TENM1: variants seen among roughly 807,000 people sequenced by gnomAD.
TENM1 encodes the protein teneurin-1.
In TENM1, 35 loss-of-function variants were observed where a neutral mutation model predicts 174.8. The ratio of observed to expected loss-of-function variants is 0.20; its 90% CI spans 0.15 to 0.27. The LOEUF is 0.27. Among genes scored for constraint, TENM1 ranks in the 10% least tolerant of loss-of-function variants. The probability of loss-of-function intolerance (pLI) is 1.00; values close to 1 mark genes in which losing one functional copy is unlikely to be tolerated. For synonymous variants in TENM1, 781 were observed against 798.7 expected (o/e 0.98, Z 0.37); for missense variants, 1,633 against 2,130.1 (o/e 0.77, Z 4.59).
intron 24 of TENM1, 31 bp downstream of exon 27, chrX:124,422,241 G>A (rs1308212595): frequency 5.9e-6 from 7 of 1,181,506 alleles, no homozygotes; most frequent in Non-Finnish European, 8.0e-6. Context: ...AACAGAGAGG[G>A]GAAGCTGGTG....
the TENM1 span, among the ~76,000 whole-genome samples, chrX:125,061,918 T>C: frequency 7.0e-4 from 79 of 112,139 alleles, no homozygotes; most frequent in Middle Eastern, 4.6e-3. Flanking sequence ...TCTGAAACTG[T>C]ATCATGATTG....
At chrX:124,889,621 T>C (rs969406403) in intron 3 of TENM1, among the ~76,000 whole-genome samples, 7 of 110,999 alleles carry the variant, frequency 6.3e-5, no homozygotes, top group Non-Finnish European at 1.9e-5. Flanking sequence ...CTTTATTTTT[T>C]TAAATTGTAT....
chrX:124,828,954 A>T (rs900438330), intron 3 of TENM1, among the ~76,000 whole-genome samples: 1 of 112,420 alleles, frequency 8.9e-6, no homozygotes, highest in Non-Finnish European at 1.9e-5. Context: ...TGAATTAATA[A>T]CAAGTGGTAG....
At chrX:125,000,315 G>C in the TENM1 span, among the ~76,000 whole-genome samples, 46,543 of 110,211 alleles carry the variant, frequency 0.42, 8,324 homozygotes, top group African/African-American at 0.7. Flanking sequence ...ACTATCTGAC[G>C]TAGAGCAAGT....
At chrX:124,862,624 T>C (rs2056934955) in intron 3 of TENM1, among the ~76,000 whole-genome samples, 1 of 110,981 alleles carries the variant, frequency 9.0e-6, no homozygotes, top group Non-Finnish European at 1.9e-5. Context: ...CAAACTTGAG[T>C]GGGTACAAAC....
At chrX:125,104,755 T>A in the TENM1 span, among the ~76,000 whole-genome samples, 1 of 110,502 alleles carries the variant, frequency 9.0e-6, no homozygotes, top group Non-Finnish European at 1.9e-5. Flanking sequence ...GAAAAAAAAA[T>A]AGAAAGAAAA....
At chrX:125,151,471 C>T in the TENM1 span, among the ~76,000 whole-genome samples, 2 of 111,573 alleles carry the variant, frequency 1.8e-5, no homozygotes, top group Non-Finnish European at 3.8e-5. Flanking sequence ...TAAAGACATA[C>T]GGATTATTTG....
chrX:125,088,636 G>A, the TENM1 span, among the ~76,000 whole-genome samples: 1 of 110,332 alleles, frequency 9.1e-6, no homozygotes, highest in East Asian at 2.8e-4. Flanking sequence ...GAGTTATAGT[G>A]AAGAAAGGGG....
chrX:124,655,685 G>A (rs2148403542), intron 6 of TENM1, among the ~76,000 whole-genome samples: 1 of 112,407 alleles, frequency 8.9e-6, no homozygotes, highest in East Asian at 2.8e-4. Flanking sequence ...AAGGCCAACA[G>A]TAATAACTAT....
intron 1 of TENM1, among the ~76,000 whole-genome samples, chrX:124,933,173 T>C (rs779184644): frequency 7.1e-5 from 8 of 112,318 alleles, no homozygotes; most frequent in Non-Finnish European, 1.5e-4. Context: ...GAAGCCCTAC[T>C]TCCAGATTTT....
chrX:125,026,346 C>CA, the TENM1 span, among the ~76,000 whole-genome samples: 1 of 111,204 alleles, frequency 9.0e-6, no homozygotes, highest in African/African-American at 3.3e-5. Flanking sequence ...AAATCACTAA[C>CA]ATACTCCAAG....
chrX:124,988,627 T>A, the TENM1 span, among the ~76,000 whole-genome samples: 3 of 111,518 alleles, frequency 2.7e-5, no homozygotes, highest in African/African-American at 9.7e-5. Context: ...ATATCTGTCA[T>A]AAATATAGGA....
chrX:124,863,364 G>A (rs960151081), intron 3 of TENM1, among the ~76,000 whole-genome samples: 50 of 110,432 alleles, frequency 4.5e-4, no homozygotes, highest in African/African-American at 1.6e-3. Flanking sequence ...TTCTGGACCT[G>A]CCCTGGGCCA....
chrX:125,069,389 T>C, the TENM1 span, among the ~76,000 whole-genome samples: 1 of 112,117 alleles, frequency 8.9e-6, no homozygotes, highest in African/African-American at 3.2e-5. Context: ...ATTTTCTTTG[T>C]AAATTCTTTG....
chrX:124,809,237 A>G (rs1422166937), intron 3 of TENM1, among the ~76,000 whole-genome samples: 1 of 111,940 alleles, frequency 8.9e-6, no homozygotes, highest in Non-Finnish European at 1.9e-5. Context: ...CAATTCAATT[A>G]TTCATGAATA....
At chrX:125,202,596 A>C in the TENM1 span, among the ~76,000 whole-genome samples, 2 of 111,366 alleles carry the variant, frequency 1.8e-5, no homozygotes, top group Non-Finnish European at 3.8e-5. Context: ...GCAGTGATGC[A>C]GATCTGCTCA....
the TENM1 span, among the ~76,000 whole-genome samples, chrX:125,184,427 A>AT: frequency 7.2e-5 from 8 of 111,253 alleles, no homozygotes; most frequent in African/African-American, 1.6e-4. Context: ...CTGATCTTAC[A>AT]TTTTTTTTCC....
intron 14 of TENM1, among the ~76,000 whole-genome samples, chrX:124,556,964 T>C (rs1306924320): frequency 8.9e-6 from 1 of 112,101 alleles, no homozygotes; most frequent in African/African-American, 3.2e-5. Context: ...CAGAAACTTG[T>C]ATTGTTTATC....
intron 8 of TENM1, 94 bp downstream of exon 11, chrX:124,651,820 A>G: frequency 2.7e-6 from 3 of 1,105,920 alleles, no homozygotes; most frequent in Non-Finnish European, 3.6e-6. Flanking sequence ...CAAAGTGAGC[A>G]ATAAGCTTAA....
Sources: allele counts gnomAD v4.1 joint callset (sites outside exome capture counted in the v4.1 genomes callset), GRCh38; gene constraint gnomAD v4.1.1; transcripts MANE v1.5; gene names NCBI Gene and HGNC (gene_info 2026-07-23, HGNC 2026-07-21).